PDE10A: variants seen among roughly 807,000 people sequenced by gnomAD.
PDE10A encodes cAMP and cAMP-inhibited cGMP 3',5'-cyclic phosphodiesterase 10A.
A neutral mutation model predicts 97.7 loss-of-function variants in PDE10A; 39 were observed. The observed-to-expected ratio is 0.40, with a 90% CI of 0.31 to 0.52. The LOEUF is 0.52. Ranked by LOEUF, PDE10A falls within the 20% of genes least tolerant of loss-of-function variation. PDE10A has a pLI of 0.56. For missense variants in PDE10A, 731 were observed against 1,047.8 expected (o/e 0.70, Z 4.17); for synonymous variants, 371 against 376.8 (o/e 0.98, Z 0.18).
At chr6:165,750,979 G>A (rs1253387312) in intron 1 of PDE10A, among the ~76,000 whole-genome samples, 1 of 152,188 alleles carries the variant, frequency 6.6e-6, no homozygotes, top group Non-Finnish European at 1.5e-5. Flanking sequence ...AGGAAAATAT[G>A]ACCCCTAGTG....
chr6:165,768,757 T>G (rs1330748516), intron 1 of PDE10A, among the ~76,000 whole-genome samples: 1 of 152,164 alleles, frequency 6.6e-6, no homozygotes, highest in African/African-American at 2.4e-5. Context: ...CATTTAACTT[T>G]GTAACTCCAC....
intron 2 of PDE10A, among the ~76,000 whole-genome samples, chr6:165,533,833 T>G (rs1479825087): frequency 1.9e-5 from 2 of 104,510 alleles, no homozygotes; most frequent in Non-Finnish European, 5.0e-5. Flanking sequence ...ATCAATATAG[T>G]TTGCAACAAA....
intron 15 of PDE10A, 46 bp downstream of exon 15, chr6:165,395,135 T>C (rs1477496812): frequency 8.4e-7 from 1 of 1,191,108 alleles, no homozygotes; most frequent in Non-Finnish European, 1.3e-6. Flanking sequence ...AGGAAGAGGT[T>C]ATGTCACCCA....
At chr6:165,626,441 G>A in intron 1 of PDE10A, among the ~76,000 whole-genome samples, 1 of 152,052 alleles carries the variant, frequency 6.6e-6, no homozygotes, top group East Asian at 1.9e-4. Context: ...CAACCATATA[G>A]AAAATTTTCT....
intron 19 of PDE10A, among the ~76,000 whole-genome samples, chr6:165,341,267 G>C (rs1781952280): frequency 6.6e-6 from 1 of 152,154 alleles, no homozygotes; most frequent in Non-Finnish European, 1.5e-5. Context: ...ATTATCTGTG[G>C]ACTGAATAAC....
At chr6:165,664,075 G>C (rs116027622), upstream of PDE10A, among the ~76,000 whole-genome samples, 1 of 152,156 alleles carries the variant, frequency 6.6e-6, no homozygotes, top group Non-Finnish European at 1.5e-5. Context: ...ACGGTGGCAC[G>C]GGCTGTCCGG....
rs181907209 is a variant in PDE10A at position 165,421,459 on chromosome 6, G to A, written c.1654-2682C>T. ...CCCCGTCTCAAAAACAAAAACATGTGATGCCATTCAGCAATCATTAATGAT... is the reference window on the plus strand; with the variant it reads ...CCCCGTCTCAAAAACAAAAACATGTAATGCCATTCAGCAATCATTAATGAT... On this transcript the variant is annotated intron_variant, in intron 10 of 21. Coordinates refer to ENST00000539869, the MANE Select transcript of PDE10A (RefSeq NM_001385079.1). Among the ~76,000 whole-genome samples the A allele has an allele frequency of 2.0e-5, 3 of 151,978 alleles. No homozygotes were observed. In the East Asian group the frequency reaches 5.8e-4, roughly 29 times the overall value.
At chr6:165,899,876 T>A (rs1447188875) in intron 1 of PDE10A, among the ~76,000 whole-genome samples, 2 of 152,204 alleles carry the variant, frequency 1.3e-5, no homozygotes, top group Non-Finnish European at 2.9e-5. Flanking sequence ...GCTTACGGAG[T>A]TGGGTTGCTC....
intron 10 of PDE10A, among the ~76,000 whole-genome samples, chr6:165,425,389 C>G (rs1345250039): frequency 6.6e-6 from 1 of 151,994 alleles, no homozygotes; most frequent in African/African-American, 2.4e-5. Context: ...CTTTAACATC[C>G]AAGAATCAAT....
intron 1 of PDE10A, among the ~76,000 whole-genome samples, chr6:165,614,855 A>G (rs1266944947): frequency 6.6e-6 from 1 of 152,146 alleles, no homozygotes; most frequent in Non-Finnish European, 1.5e-5. Flanking sequence ...TTAAAAAAAA[A>G]AAAGAAAAAG....
At chr6:165,696,795 G>A (rs1390236569) in intron 1 of PDE10A, among the ~76,000 whole-genome samples, 1 of 152,078 alleles carries the variant, frequency 6.6e-6, no homozygotes, top group Non-Finnish European at 1.5e-5. Flanking sequence ...GATTAAAGAA[G>A]TAAAAAAGGT....
chr6:165,975,013 C>T (rs1239429041), intron 1 of PDE10A, among the ~76,000 whole-genome samples: 3 of 152,172 alleles, frequency 2.0e-5, no homozygotes, highest in Non-Finnish European at 1.5e-5. Context: ...AGGGTGTTAC[C>T]TTGAGCTGCA....
At chr6:165,455,468 C>T (rs910953473) in intron 3 of PDE10A, among the ~76,000 whole-genome samples, 8 of 152,150 alleles carry the variant, frequency 5.3e-5, no homozygotes, top group African/African-American at 1.9e-4. Context: ...GGAAGAGCTT[C>T]CCAAGTAAAG....
At chr6:165,432,545 C>T (rs1357592098) in intron 7 of PDE10A, among the ~76,000 whole-genome samples, 6 of 152,106 alleles carry the variant, frequency 3.9e-5, no homozygotes, top group Admixed American at 3.9e-4. Context: ...TTAATATTTG[C>T]TTTTAGTAGT....
chr6:165,885,417 C>T (rs1212764388), intron 1 of PDE10A, among the ~76,000 whole-genome samples: 2 of 152,168 alleles, frequency 1.3e-5, no homozygotes, highest in African/African-American at 2.4e-5. Flanking sequence ...ATCACGAGAA[C>T]AGCATCAGGG....
At chr6:165,719,051 T>A (rs1038401163) in intron 1 of PDE10A, among the ~76,000 whole-genome samples, 10 of 151,946 alleles carry the variant, frequency 6.6e-5, no homozygotes, top group African/African-American at 9.7e-5. Flanking sequence ...TTACAAATTT[T>A]AAAAACCAAT....
chr6:165,643,691 C>G (rs1789253978), intron 1 of PDE10A, among the ~76,000 whole-genome samples: 1 of 152,112 alleles, frequency 6.6e-6, no homozygotes, highest in South Asian at 2.1e-4. Flanking sequence ...GAGGCTGGGA[C>G]AGGCAGGGAT....
intron 1 of PDE10A, among the ~76,000 whole-genome samples, chr6:165,696,054 C>G (rs1791436275): frequency 6.6e-6 from 1 of 152,084 alleles, no homozygotes. Flanking sequence ...ACACCCAAAG[C>G]TATGCCTCTC....
At chr6:165,576,191 A>G (rs551805220) in intron 1 of PDE10A, among the ~76,000 whole-genome samples, 1 of 152,234 alleles carries the variant, frequency 6.6e-6, no homozygotes, top group Non-Finnish European at 1.5e-5. Context: ...GAAACACTGT[A>G]AACTTTTCGG....
Sources: allele counts gnomAD v4.1 joint callset (sites outside exome capture counted in the v4.1 genomes callset), GRCh38; gene constraint gnomAD v4.1.1; transcripts MANE v1.5; gene names NCBI Gene and HGNC (gene_info 2026-07-23, HGNC 2026-07-21).